TMEM212: variants seen among roughly 807,000 people sequenced by gnomAD.
TMEM212 encodes transmembrane protein 212.
A neutral mutation model predicts 20.5 loss-of-function variants in TMEM212; 23 were observed. The observed-to-expected ratio is 1.12, with a 90% CI of 0.81 to 1.59. The LOEUF (loss-of-function observed/expected upper bound fraction) is 1.59, where lower values mean the gene tolerates loss of function less well. Among genes scored for constraint, TMEM212 ranks in the 40% most tolerant of loss-of-function variants. TMEM212 has a pLI of 0.00. For missense variants in TMEM212, 211 were observed against 215.0 expected, an observed-to-expected ratio of 0.98 and a Z score of 0.12; for synonymous variants, 76 against 81.6, an observed-to-expected ratio of 0.93 and a Z score of 0.37.
chr3:171,846,018 C>G (rs757654693), intron 1 of TMEM212, among the ~76,000 whole-genome samples: 1 of 152,204 alleles, frequency 6.6e-6, no homozygotes, highest in Non-Finnish European at 1.5e-5. Flanking sequence ...ACCCACCTCA[C>G]TTTCCTATCC....
intron 2 of TMEM212, 29 bp downstream of exon 2, chr3:171,852,070 T>C (rs1240930277): frequency 4.6e-6 from 7 of 1,514,150 alleles, no homozygotes; most frequent in East Asian, 2.5e-5. Flanking sequence ...AGTAGGATGG[T>C]AGAGAGGCTT....
chr3:171,856,633 C>G (rs1279469468), intron 3 of TMEM212, 30 bp from the exon 4 acceptor site: 2 of 674,330 alleles, frequency 3.0e-6, no homozygotes, highest in South Asian at 3.2e-5. Flanking sequence ...GAAGCCTTAT[C>G]AAATTTGCTG....
chr3:171,849,116 C>CTAAGCTCCCTAAGCATGCCA (rs1724909698), intron 1 of TMEM212, among the ~76,000 whole-genome samples: 1 of 152,076 alleles, frequency 6.6e-6, no homozygotes, highest in Non-Finnish European at 1.5e-5. Context: ...TCCTCACTCC[C>CTAAGCTCCCTAAGCATGCCA]TGCTCCCTAA....
chr3:171,850,170 GC>G (rs1443107306), intron 1 of TMEM212, among the ~76,000 whole-genome samples: 4 of 152,142 alleles, frequency 2.6e-5, no homozygotes, highest in Non-Finnish European at 4.4e-5. Context: ...GGGGAAAATA[GC>G]CCTATTCTAT....
At chr3:171,850,852 C>T (rs754865008) in intron 1 of TMEM212, among the ~76,000 whole-genome samples, 6 of 152,076 alleles carry the variant, frequency 3.9e-5, no homozygotes, top group Admixed American at 1.3e-4. Context: ...TGTGTGTGCA[C>T]GCGCGTGTGT....
At chr3:171,849,440 C>T (rs1724921243) in intron 1 of TMEM212, among the ~76,000 whole-genome samples, 3 of 152,162 alleles carry the variant, frequency 2.0e-5, no homozygotes, top group Admixed American at 6.5e-5. Context: ...GGATCTTGTT[C>T]ATCTTATTTA....
At chr3:171,846,494 G>A (rs1724836439) in intron 1 of TMEM212, among the ~76,000 whole-genome samples, 1 of 152,076 alleles carries the variant, frequency 6.6e-6, no homozygotes, top group South Asian at 2.1e-4. Context: ...GTTTACTGCT[G>A]TATCTGAAGA....
At position 171,843,412 on chromosome 3, in the gene TMEM212, G is replaced by GT; in HGVS notation, c.29_30insT (p.Ile11AspfsTer106). 6.5e-7 allele frequency: 1 copy of GT among 1,536,266 alleles called. No individual in the cohort carries two copies. Among genetic ancestry groups the GT allele is most frequent in the Non-Finnish European group, 8.7e-7 (1 of 1,146,434 alleles). ...AAGGGCCTCTACCAGGCTGCTGGCCGGATTCTTGTTACTCTGGGGATCCTC... is the reference window on the plus strand; with the variant it reads ...AAGGGCCTCTACCAGGCTGCTGGCCGTGATTCTTGTTACTCTGGGGATCCTC... On this transcript the variant is annotated frameshift_variant, in exon 1 of 5. Transcript: ENST00000334567. LOFTEE classifies it high-confidence loss of function.
intron 1 of TMEM212, among the ~76,000 whole-genome samples, chr3:171,851,192 G>A (rs1047730988): frequency 6.6e-6 from 1 of 152,174 alleles, no homozygotes; most frequent in Non-Finnish European, 1.5e-5. Context: ...GATATATGCG[G>A]ATTAAGAATA....
At chr3:171,846,752 C>T (rs1035067163) in intron 1 of TMEM212, among the ~76,000 whole-genome samples, 10 of 152,142 alleles carry the variant, frequency 6.6e-5, no homozygotes, top group African/African-American at 1.2e-4. Flanking sequence ...TAAATTTGGA[C>T]GAACGTTATG....
intron 1 of TMEM212, among the ~76,000 whole-genome samples, chr3:171,847,123 GC>G (rs1419609249): frequency 1.3e-5 from 2 of 152,198 alleles, no homozygotes; most frequent in Admixed American, 6.5e-5. Flanking sequence ...GAATTTTGGA[GC>G]TAGGTTATTT....
Position 171,853,923 on chromosome 3 carries a change from C to G in TMEM212, c.543+73C>G, listed in dbSNP as rs150494673. 963 of 1,163,042 alleles carry G rather than the reference C, an allele frequency of 8.3e-4. 15 individuals carry two copies. The East Asian group carries it at 0.016, about 20-fold the overall frequency. 72.0% of individuals were successfully genotyped at this position (1,163,042 alleles called of 1,614,324 possible). ...TAAAATGGAAAGTCTGGTATGTGAA[C>G]AGTTGATCTTTCTCTGTTATTTACC... is the stretch of plus-strand genomic sequence containing the variant. On this transcript the variant is annotated intron_variant, in intron 3 of 4. Transcript: ENST00000334567.
intron 1 of TMEM212, among the ~76,000 whole-genome samples, chr3:171,847,709 C>T (rs1395283588): frequency 6.6e-6 from 1 of 152,002 alleles, no homozygotes; most frequent in East Asian, 1.9e-4. Flanking sequence ...ATATCAGGGG[C>T]AAGGGGGATT....
chr3:171,853,693 C>T lies in TMEM212; in HGVS notation c.386C>T (p.Ala129Val), dbSNP rs1414052265. 6.5e-6 allele frequency: 10 copies of T among 1,537,502 alleles called. No homozygotes were observed. The highest frequency in any genetic ancestry group is 8.7e-6 in the Non-Finnish European group (10 of 1,146,928). Residue 129 changes from alanine to valine, a missense_variant, in exon 3 of 5, where the codon GCA (alanine) becomes GTA (valine). By Grantham distance (64) the Ala-to-Val change is moderately conservative (BLOSUM62 0). Transcript: ENST00000334567. ...GCAGTTACCTTTCCTTATCCATATG[C>T]AAAATTCCCATTAGCCTGTGTGGAC... ...GYAVTFPYPYAKFPLACVDPP... is the reference protein window; with the variant it reads ...GYAVTFPYPYVKFPLACVDPP...
intron 1 of TMEM212, among the ~76,000 whole-genome samples, chr3:171,849,095 T>C (rs540848769): frequency 1.2e-3 from 182 of 152,150 alleles, no homozygotes; most frequent in African/African-American, 4.1e-3. Flanking sequence ...GGCCCTCCTT[T>C]CAGTGTGGAC....
At chr3:171,854,477 ATATT>A (rs1272408652) in intron 3 of TMEM212, among the ~76,000 whole-genome samples, 14 of 152,228 alleles carry the variant, frequency 9.2e-5, no homozygotes, top group African/African-American at 1.4e-4. Flanking sequence ...AAACTACAAA[ATATT>A]AATGAAAGAA....
At chr3:171,853,351 A>G (rs1725029822) in intron 2 of TMEM212, among the ~76,000 whole-genome samples, 176 bp from the exon 3 acceptor site, 1 of 152,088 alleles carries the variant, frequency 6.6e-6, no homozygotes, top group South Asian at 2.1e-4. Flanking sequence ...ATGAATATAC[A>G]AGGGACATTT....
chr3:171,854,975 A>G (rs1046839885), intron 3 of TMEM212, among the ~76,000 whole-genome samples: 1 of 152,100 alleles, frequency 6.6e-6, no homozygotes, highest in East Asian at 1.9e-4. Flanking sequence ...AATTTTTTTT[A>G]AAAAAGGGGT....
intron 1 of TMEM212, among the ~76,000 whole-genome samples, chr3:171,845,133 AAGT>A (rs1724802784): frequency 6.6e-6 from 1 of 152,186 alleles, no homozygotes; most frequent in Non-Finnish European, 1.5e-5. Flanking sequence ...ATATTTGTTT[AAGT>A]TCTACTGGAA....
Sources: allele counts gnomAD v4.1 joint callset (sites outside exome capture counted in the v4.1 genomes callset), GRCh38; gene constraint gnomAD v4.1.1; transcripts MANE v1.5; gene names NCBI Gene and HGNC (gene_info 2026-07-23, HGNC 2026-07-21).